Variants in RND3 observed in about 807,000 individuals in gnomAD.
The protein encoded by RND3 is rho-related GTP-binding protein RhoE.
Under a neutral mutation model 26.5 loss-of-function variants are expected in RND3, and 8 were observed. That is an observed-to-expected ratio of 0.30 (90% CI 0.18 to 0.54). The LOEUF (loss-of-function observed/expected upper bound fraction) is 0.54, where lower values mean the gene tolerates loss of function less well. Among genes scored for constraint, RND3 ranks in the 20% least tolerant of loss-of-function variants. RND3 has a pLI of 0.94. For synonymous variants in RND3, 113 were observed against 113.0 expected (o/e 1.00, Z 0.00); for missense variants, 207 against 302.8 (o/e 0.68, Z 2.35).
chr2:150,484,854 C>G (rs993525175), intron 3 of RND3, among the ~76,000 whole-genome samples: 13 of 152,284 alleles, frequency 8.5e-5, no homozygotes, highest in Non-Finnish European at 1.5e-4. Flanking sequence ...AGACACACTG[C>G]TCCACCCCGT....
At chr2:150,471,129 G>A (rs1282968903) in intron 5 of RND3, among the ~76,000 whole-genome samples, 1 of 152,140 alleles carries the variant, frequency 6.6e-6, no homozygotes, top group African/African-American at 2.4e-5. Context: ...TTAAAATGAT[G>A]ATTCTTAATA....
At chr2:150,473,572 T>C (rs1008365735) in intron 4 of RND3, among the ~76,000 whole-genome samples, 2 of 152,178 alleles carry the variant, frequency 1.3e-5, no homozygotes, top group Non-Finnish European at 2.9e-5. Flanking sequence ...TGACAAGCAT[T>C]AGCATTATTT....
At chr2:150,475,733 C>T (rs1021066496) in intron 3 of RND3, among the ~76,000 whole-genome samples, 6 of 152,314 alleles carry the variant, frequency 3.9e-5, no homozygotes, top group South Asian at 2.1e-4. Flanking sequence ...TATAGATTTT[C>T]TTCCTGTTAC....
At chr2:150,471,785 T>C (rs768674719) in intron 4 of RND3, 24 bp from the exon 5 acceptor site, 1 of 1,568,792 alleles carries the variant, frequency 6.4e-7, no homozygotes, top group East Asian at 2.2e-5. Context: ...AAAAAAAAGA[T>C]TAAAAATGAA....
chr2:150,486,749 C>A lies in RND3; in HGVS notation c.183G>T (p.Thr61=). The stretch of plus-strand genomic sequence containing the variant: ...TTTGTGTGTCGATTTCAAAACTGGC[C>A]GTGTAATTCTCAAACACTGTAGGAA... ...NYVPTVFENY[T]ASFEIDTQRI... Residue 61 remains threonine, a synonymous_variant, in exon 3 of 6, where the codon ACG becomes ACT. Coordinates refer to ENST00000263895, the MANE Select transcript of RND3 (RefSeq NM_005168.5). The surrounding 1 kb of genome is among the most constrained non-coding windows in gnomAD (Gnocchi z 4.5). The A allele has an allele frequency of 6.2e-7, 1 of 1,613,656 alleles. No homozygotes were observed. The highest frequency in any genetic ancestry group is 1.3e-5 in the African/African-American group (1 of 75,022).
intron 4 of RND3, among the ~76,000 whole-genome samples, chr2:150,473,099 C>A (rs1337892579): frequency 6.8e-6 from 1 of 147,016 alleles, no homozygotes; most frequent in East Asian, 2.1e-4. Context: ...GGAACACCTA[C>A]CACATGCTAG....
At position 150,468,598 on chromosome 2, in the gene RND3, G is replaced by A. The variant is rs1286028534; in HGVS notation, c.*1389C>T. The A allele has an allele frequency of 2.0e-5, 3 of 152,698 alleles. No homozygotes were observed. The highest frequency in any genetic ancestry group is 1.9e-4 in the East Asian group (1 of 5,188). 9.5% of individuals were successfully genotyped at this position (152,698 alleles called of 1,614,324 possible). A position where few individuals can be genotyped will look rare whatever the true frequency, so the allele number is the denominator to read the frequency against. On this transcript the variant is annotated 3_prime_UTR_variant, in exon 6 of 6. Transcript: ENST00000263895. ...AGCACAGCTTCAACACTTCAAAAACGAAGCACTATCATGGGAAAGAAAGCT... is the reference window on the plus strand; with the variant it reads ...AGCACAGCTTCAACACTTCAAAAACAAAGCACTATCATGGGAAAGAAAGCT...
chr2:150,475,479 G>A (rs1686148737), intron 3 of RND3, among the ~76,000 whole-genome samples: 1 of 152,188 alleles, frequency 6.6e-6, no homozygotes, highest in South Asian at 2.1e-4. Flanking sequence ...GGGCATTATG[G>A]TTGTATTACT....
chr2:150,483,714 G>GTTT (rs1686313706), intron 3 of RND3, among the ~76,000 whole-genome samples: 1 of 152,166 alleles, frequency 6.6e-6, no homozygotes, highest in African/African-American at 2.4e-5. Context: ...CTGATTCAAT[G>GTTT]GTTCCTGCTA....
chr2:150,471,865 G>T, intron 4 of RND3, 104 bp from the exon 5 acceptor site: 1 of 985,764 alleles, frequency 1.0e-6, no homozygotes, highest in Non-Finnish European at 1.5e-6. Context: ...ACTCAGAAAA[G>T]ATGTTAAAAA....
chr2:150,485,313 C>CCAGA (rs1486533172), intron 3 of RND3: 1 of 152,322 alleles, frequency 6.6e-6, no homozygotes, highest in Non-Finnish European at 1.5e-5. Context: ...CTCTGGCGAC[C>CCAGA]CTGTCAGTCT....
Position 150,468,433 on chromosome 2 carries a change from C to T in RND3, c.*1554G>A, listed in dbSNP as rs996945127. On this transcript the variant is annotated 3_prime_UTR_variant, in exon 6 of 6. Coordinates refer to ENST00000263895, the MANE Select transcript of RND3 (RefSeq NM_005168.5). ...AAGCATAATGCTGCATCAATCAAAGCATATTATGTTGGTAAAATGTCTGTA... is the reference window on the plus strand; with the variant it reads ...AAGCATAATGCTGCATCAATCAAAGTATATTATGTTGGTAAAATGTCTGTA... The T allele has an allele frequency of 6.6e-6, 1 of 152,580 alleles. No individual in the cohort carries two copies. 9.5% of individuals were successfully genotyped at this position (152,580 alleles called of 1,614,324 possible).
At chr2:150,482,724 G>C (rs1363418167) in intron 3 of RND3, among the ~76,000 whole-genome samples, 8 of 145,164 alleles carry the variant, frequency 5.5e-5, no homozygotes, top group Admixed American at 5.5e-4. Context: ...GCAATGGGCG[G>C]GGGTGGGGGG....
intron 4 of RND3, among the ~76,000 whole-genome samples, chr2:150,474,239 T>A (rs533250473): frequency 1.3e-5 from 2 of 152,272 alleles, no homozygotes; most frequent in Non-Finnish European, 2.9e-5. Context: ...CATAGCTTCC[T>A]TAGTTAGGTT....
intron 3 of RND3, among the ~76,000 whole-genome samples, chr2:150,478,577 G>A (rs1267699649): frequency 9.8e-5 from 7 of 71,748 alleles, no homozygotes; most frequent in South Asian, 6.5e-4. Context: ...GAAGCCAAAC[G>A]GCAAAAAAAA....
rs2105214993 is a variant in RND3, at chr2:150,469,655, A to AC, written c.*331dup. ...GAATAGATTATAACAAAAAAAAAAA[A>AC]CCCAAAAATGCAAGCACCATTCAGA... On this transcript the variant is annotated 3_prime_UTR_variant, in exon 6 of 6. Transcript: ENST00000263895. 1 of 244,482 alleles carries AC rather than the reference A, an allele frequency of 4.1e-6. No individual in the cohort carries two copies. The highest frequency in any genetic ancestry group is 8.7e-5 in the East Asian group (1 of 11,520). The allele number at this position is 244,482 out of a possible 1,614,324, so 15.1% of individuals were successfully genotyped here.
chr2:150,471,767 AAAG>A lies in RND3; in HGVS notation c.349-9_349-7del. The A allele has an allele frequency of 6.9e-7, 1 of 1,449,886 alleles. No homozygotes were observed. Among genetic ancestry groups the A allele is most frequent in the Non-Finnish European group, 9.1e-7 (1 of 1,103,058 alleles). The allele number at this position is 1,449,886 out of a possible 1,614,324, so 89.8% of individuals were successfully genotyped here. On this transcript the variant is annotated splice_region_variant and splice_polypyrimidine_tract_variant and intron_variant, in intron 4 of 5. Coordinates refer to ENST00000263895, the MANE Select transcript of RND3 (RefSeq NM_005168.5). ...TCCTGGATTTCACCTTTCCACTATG[AAAG>A]AAAAAAAAAAAAGATTAAAAATGAA...
chr2:150,481,223 T>C (rs965441572), intron 3 of RND3, among the ~76,000 whole-genome samples: 7 of 152,172 alleles, frequency 4.6e-5, no homozygotes, highest in African/African-American at 1.7e-4. Context: ...TGGGCTGCCC[T>C]TGTGGCCTTC....
At chr2:150,485,499 G>C (rs1175998674) in intron 3 of RND3, 1 of 152,476 alleles carries the variant, frequency 6.6e-6, no homozygotes, top group Non-Finnish European at 1.5e-5. Flanking sequence ...GCACTTGCGC[G>C]TTCCTCCTCG....
Sources: allele counts gnomAD v4.1 joint callset (sites outside exome capture counted in the v4.1 genomes callset), GRCh38; gene constraint gnomAD v4.1.1; non-coding constraint Gnocchi (gnomAD v3.1); transcripts MANE v1.5; gene names NCBI Gene and HGNC (gene_info 2026-07-23, HGNC 2026-07-21).